The following CAMK1D variants were observed in gnomAD, a reference collection of about 807,000 sequenced individuals.
CAMK1D encodes the protein calcium/calmodulin dependent protein kinase ID, also known as calcium/calmodulin-dependent protein kinase type 1D.
Under a neutral mutation model 47.7 loss-of-function variants are expected in CAMK1D, and 9 were observed. That is an observed-to-expected ratio of 0.19 (90% CI 0.11 to 0.33). The LOEUF (loss-of-function observed/expected upper bound fraction) is 0.33. Ranked by LOEUF, CAMK1D falls within the 10% of genes least tolerant of loss-of-function variation. The pLI, the probability that CAMK1D is intolerant of heterozygous loss-of-function variation, is 1.00. For missense variants in CAMK1D, 291 were observed against 488.7 expected (o/e 0.60, Z 3.81); for synonymous variants, 184 against 184.9 (o/e 0.99, Z 0.04).
intron 2 of CAMK1D, among the ~76,000 whole-genome samples, chr10:12,568,098 T>TGCC (rs1260127850): frequency 6.7e-6 from 1 of 148,186 alleles, no homozygotes; most frequent in Admixed American, 6.7e-5. Flanking sequence ...CTTGCCTGCC[T>TGCC]GTCTGCTTTC....
intron 5 of CAMK1D, among the ~76,000 whole-genome samples, chr10:12,784,236 G>A (rs1472021486): frequency 7.7e-6 from 1 of 130,042 alleles, no homozygotes; most frequent in African/African-American, 2.9e-5. Context: ...TTTCACTCTT[G>A]TTGTCCAGGC....
chr10:12,605,922 A>T (rs1246577317), intron 2 of CAMK1D, among the ~76,000 whole-genome samples: 1 of 151,954 alleles, frequency 6.6e-6, no homozygotes, highest in African/African-American at 2.4e-5. Flanking sequence ...AGCTGCTCAG[A>T]TGATCTGTGG....
intron 1 of CAMK1D, among the ~76,000 whole-genome samples, chr10:12,375,857 G>A (rs1356811648): frequency 3.3e-5 from 5 of 151,988 alleles, no homozygotes; most frequent in Admixed American, 6.6e-5. Flanking sequence ...TCCGTATGCC[G>A]ATTTCTCTAA....
At chr10:12,538,262 A>C (rs1836043447) in intron 1 of CAMK1D, among the ~76,000 whole-genome samples, 1 of 152,206 alleles carries the variant, frequency 6.6e-6, no homozygotes, top group South Asian at 2.1e-4. Flanking sequence ...ACCCTCAGGA[A>C]AGATGCCAGC....
intron 1 of CAMK1D, among the ~76,000 whole-genome samples, chr10:12,400,446 C>G (rs1001823214): frequency 2.6e-5 from 4 of 152,102 alleles, no homozygotes; most frequent in African/African-American, 9.7e-5. Context: ...CTTATATCAC[C>G]GGAAGATAAA....
chr10:12,548,027 A>G (rs1010611102), intron 1 of CAMK1D, among the ~76,000 whole-genome samples: 2 of 152,192 alleles, frequency 1.3e-5, no homozygotes, highest in African/African-American at 2.4e-5. Context: ...CTTGCCACGC[A>G]CACGCCCTGG....
At chr10:12,612,993 T>C (rs1838675703) in intron 2 of CAMK1D, among the ~76,000 whole-genome samples, 1 of 152,144 alleles carries the variant, frequency 6.6e-6, no homozygotes, top group Non-Finnish European at 1.5e-5. Context: ...TCTCAAGACC[T>C]GACTAGATGG....
chr10:12,783,839 G>A (rs1837605313), intron 5 of CAMK1D, among the ~76,000 whole-genome samples: 1 of 152,104 alleles, frequency 6.6e-6, no homozygotes, highest in Non-Finnish European at 1.5e-5. Flanking sequence ...TTCCATAAGT[G>A]GGCTGGTGGT....
At position 12,761,005 on chromosome 10, in the gene CAMK1D, G is replaced by A. The variant is rs1286227695; in HGVS notation, c.357G>A (p.Lys119=). ...RIVEKGFYTE[K]DASTLIRQVL... ...TGGAGAAGGGGTTTTATACAGAGAA[G>A]GATGCCAGCACTCTGATCCGCCAAG... Residue 119 remains lysine, a synonymous_variant, in exon 4 of 11, where the codon AAG becomes AAA. Transcript: ENST00000619168. 3.7e-6 allele frequency: 6 copies of A among 1,614,068 alleles called. No homozygotes were observed. Among genetic ancestry groups the A allele is most frequent in the Non-Finnish European group, 5.1e-6 (6 of 1,180,026 alleles).
intron 6 of CAMK1D, among the ~76,000 whole-genome samples, chr10:12,795,762 G>A (rs1838171588): frequency 6.6e-6 from 1 of 152,108 alleles, no homozygotes; most frequent in South Asian, 2.1e-4. Flanking sequence ...TCATCATTTG[G>A]AAGGAGAAGT....
In CAMK1D at chr10:12,379,819, A is replaced by G. The variant is rs1838287244; in HGVS notation, c.92+29909A>G. ...TTTGAGGCCAGTTTTTACCATTCAG[A>G]TTCATGGCCAGATACGACTCTACTC... is the stretch of plus-strand genomic sequence containing the variant. On this transcript the variant is annotated intron_variant, in intron 1 of 10. Coordinates refer to ENST00000619168, the MANE Select transcript of CAMK1D (RefSeq NM_153498.4). Among the ~76,000 whole-genome samples, 3 of 152,282 alleles carry G rather than the reference A, an allele frequency of 2.0e-5. No homozygotes were observed. The South Asian group carries it at 6.2e-4, about 32-fold the overall frequency.
At chr10:12,607,573 T>G (rs1032653520) in intron 2 of CAMK1D, among the ~76,000 whole-genome samples, 1 of 152,192 alleles carries the variant, frequency 6.6e-6, no homozygotes, top group Admixed American at 6.5e-5. Flanking sequence ...ACCCTTTAAT[T>G]GCCCTGAGGA....
intron 6 of CAMK1D, among the ~76,000 whole-genome samples, chr10:12,806,672 A>G (rs1838745042): frequency 1.3e-5 from 2 of 152,218 alleles, no homozygotes; most frequent in African/African-American, 4.8e-5. Flanking sequence ...CAAAGTCACC[A>G]ACTGAGCAGG....
chr10:12,357,757 C>T (rs542745313), intron 1 of CAMK1D, among the ~76,000 whole-genome samples: 5 of 152,270 alleles, frequency 3.3e-5, no homozygotes, highest in East Asian at 3.9e-4. Flanking sequence ...ACGTGGACTC[C>T]GGGAAAGATT....
At chr10:12,409,148 C>T (rs1310622395) in intron 1 of CAMK1D, among the ~76,000 whole-genome samples, 1 of 152,148 alleles carries the variant, frequency 6.6e-6, no homozygotes, top group African/African-American at 2.4e-5. Context: ...TGAGCCACTG[C>T]ACCCGGTTTT....
intron 3 of CAMK1D, among the ~76,000 whole-genome samples, chr10:12,739,607 T>C (rs1835342126): frequency 6.6e-6 from 1 of 152,072 alleles, no homozygotes; most frequent in African/African-American, 2.4e-5. Context: ...TGCTTTGATC[T>C]CAATACAACT....
chr10:12,366,146 T>C (rs1837828564), intron 1 of CAMK1D, among the ~76,000 whole-genome samples: 1 of 152,266 alleles, frequency 6.6e-6, no homozygotes, highest in African/African-American at 2.4e-5. Flanking sequence ...CCTGTAGAAG[T>C]TGGGTCATAT....
At chr10:12,664,889 A>G (rs1840380393) in intron 2 of CAMK1D, among the ~76,000 whole-genome samples, 1 of 152,252 alleles carries the variant, frequency 6.6e-6, no homozygotes, top group Non-Finnish European at 1.5e-5. Flanking sequence ...GAGCTGGACT[A>G]AAAGAAAATG....
At chr10:12,588,562 T>A (rs901796341) in intron 2 of CAMK1D, among the ~76,000 whole-genome samples, 1 of 152,140 alleles carries the variant, frequency 6.6e-6, no homozygotes, top group Non-Finnish European at 1.5e-5. Context: ...AGCCTTGGTC[T>A]CCAGGAACTT....
Sources: allele counts gnomAD v4.1 joint callset (sites outside exome capture counted in the v4.1 genomes callset), GRCh38; gene constraint gnomAD v4.1.1; transcripts MANE v1.5; gene names NCBI Gene and HGNC (gene_info 2026-07-23, HGNC 2026-07-21).